JAKMIP1: variants seen among roughly 807,000 people sequenced by gnomAD.
JAKMIP1 encodes the protein janus kinase and microtubule interacting protein 1.
A neutral mutation model predicts 113.0 loss-of-function variants in JAKMIP1; 33 were observed. The observed-to-expected ratio is 0.29, with a 90% CI of 0.22 to 0.39. The LOEUF is 0.39. Ranked by LOEUF, JAKMIP1 falls within the 10% of genes least tolerant of loss-of-function variation. The pLI, the probability that JAKMIP1 is intolerant of heterozygous loss-of-function variation, is 1.00. For synonymous variants in JAKMIP1, 480 were observed against 459.9 expected, an observed-to-expected ratio of 1.04 and a Z score of -0.56; for missense variants, 813 against 1,080.5, an observed-to-expected ratio of 0.75 and a Z score of 3.47.
intron 19 of JAKMIP1, 104 bp from the exon 20 acceptor site, chr4:6,029,885 C>T: frequency 2.5e-6 from 2 of 811,252 alleles, no homozygotes; most frequent in Non-Finnish European, 4.1e-6. Flanking sequence ...TAAAGGATAC[C>T]AACACTGTGG....
intron 1 of JAKMIP1, among the ~76,000 whole-genome samples, chr4:6,133,245 C>T (rs534791075): frequency 2.0e-5 from 3 of 152,174 alleles, no homozygotes; most frequent in South Asian, 2.1e-4. Context: ...GGCAGACCTC[C>T]GCTCCTGCTC....
intron 1 of JAKMIP1, among the ~76,000 whole-genome samples, chr4:6,164,226 T>C (rs1008765581): frequency 3.9e-5 from 6 of 152,198 alleles, no homozygotes; most frequent in Admixed American, 3.3e-4. Context: ...CTAATAGAGC[T>C]GATGACGTGC....
Position 6,154,926 on chromosome 4 carries a change from A to T in JAKMIP1, c.-147-41929T>A, listed in dbSNP as rs188840072. Reference sequence around the variant, plus strand: ...CCTCTCACTCCACAAACCAACACAGAGCACGCAGGGAAAGGTGCGGGGTAG... The same window carrying T: ...CCTCTCACTCCACAAACCAACACAGTGCACGCAGGGAAAGGTGCGGGGTAG... On this transcript the variant is annotated intron_variant, in intron 1 of 20. Transcript: ENST00000409021. This position sits in a 1 kb window ranked among gnomAD's most constrained non-coding sequence, Gnocchi z 4.2. 4.6e-5 allele frequency among the ~76,000 whole-genome samples: 7 copies of T among 151,854 alleles called. No homozygotes were observed. Among genetic ancestry groups the T allele is most frequent in the Non-Finnish European group, 1.0e-4 (7 of 67,934 alleles).
chr4:6,039,814 C>T (rs1426939317), intron 18 of JAKMIP1, among the ~76,000 whole-genome samples: 1 of 152,208 alleles, frequency 6.6e-6, no homozygotes, highest in African/African-American at 2.4e-5. Flanking sequence ...CCCATGCTAC[C>T]TGCTCTCTGT....
chr4:6,172,946 C>A (rs1724914147), intron 1 of JAKMIP1, among the ~76,000 whole-genome samples: 1 of 152,206 alleles, frequency 6.6e-6, no homozygotes, highest in Non-Finnish European at 1.5e-5. Context: ...GATGATTGCA[C>A]TGGGGTGAGG....
chr4:6,030,947 G>A (rs776612028), intron 19 of JAKMIP1, among the ~76,000 whole-genome samples: 4 of 152,260 alleles, frequency 2.6e-5, no homozygotes, highest in Non-Finnish European at 2.9e-5. Context: ...CAGACGGTCC[G>A]GGGCCCCTGC....
Position 6,069,529 on chromosome 4 carries a change from G to T in JAKMIP1, c.1303-4521C>A, listed in dbSNP as rs149904889. Reference sequence around the variant, plus strand: ...TTTGGGAGGCTGAGGCAGAAAGATCGCTTGAGCCCAGGAGTTCAAGATCAA... The same window carrying T: ...TTTGGGAGGCTGAGGCAGAAAGATCTCTTGAGCCCAGGAGTTCAAGATCAA... On this transcript the variant is annotated intron_variant, in intron 8 of 20. Coordinates refer to ENST00000409021, the MANE Select transcript of JAKMIP1 (RefSeq NM_001099433.2). This position sits in a 1 kb window ranked among gnomAD's most constrained non-coding sequence, Gnocchi z 4.5. 2.8e-3 allele frequency among the ~76,000 whole-genome samples: 423 copies of T among 152,178 alleles called. 1 individual carries two copies. The highest frequency in any genetic ancestry group is 4.5e-3 in the Non-Finnish European group (305 of 68,008).
chr4:6,052,650 TA>T (rs762425260), intron 13 of JAKMIP1, among the ~76,000 whole-genome samples: 3,370 of 53,940 alleles, frequency 0.062, 35 homozygotes, highest in South Asian at 0.11. Flanking sequence ...GACTCTGTCC[TA>T]AAAAAAAAAA....
chr4:6,102,885 C>A (rs1340319610), intron 3 of JAKMIP1, among the ~76,000 whole-genome samples: 6 of 151,810 alleles, frequency 4.0e-5, no homozygotes, highest in Admixed American at 3.3e-4. Flanking sequence ...AGGCGCCCAC[C>A]ACTGCACCCC....
At chr4:6,114,501 G>T (rs1158025574) in intron 1 of JAKMIP1, among the ~76,000 whole-genome samples, 1 of 152,206 alleles carries the variant, frequency 6.6e-6, no homozygotes, top group East Asian at 1.9e-4. Flanking sequence ...GCAAGTTGCA[G>T]ATGCTCGGTG....
In JAKMIP1 at chr4:6,180,990, G is replaced by A. The variant is rs11727104; in HGVS notation, c.-148+19263C>T. Among the ~76,000 whole-genome samples, 75,179 of 151,886 alleles carry A rather than the reference G, an allele frequency of 0.49. 19,633 individuals are homozygous for A. The highest frequency in any genetic ancestry group is 0.72 in the East Asian group (3,733 of 5,152). On this transcript the variant is annotated intron_variant, in intron 1 of 20. Transcript: ENST00000409021. This position sits in a 1 kb window ranked among gnomAD's most constrained non-coding sequence, Gnocchi z 4.5. ...CAGAAAAGGCCCCAGCCATCAGGTCGTTTCTGTCTCACCTCTGCTGAAATG... is the reference window on the plus strand; with the variant it reads ...CAGAAAAGGCCCCAGCCATCAGGTCATTTCTGTCTCACCTCTGCTGAAATG...
rs1012731652 is a variant in JAKMIP1 at position 6,050,399 on chromosome 4, A to G, written c.1908+179T>C. On this transcript the variant is annotated intron_variant, in intron 14 of 20. Transcript: ENST00000409021. This position sits in a 1 kb window ranked among gnomAD's most constrained non-coding sequence, Gnocchi z 7.4. ...ACCAAGCCTCTGCTGTTTTAAACAT[A>G]TGGGTCAAAATAGAGTCACATTTGG... is the stretch of plus-strand genomic sequence containing the variant. Among the ~76,000 whole-genome samples the G allele has an allele frequency of 1.3e-5, 2 of 152,230 alleles. No homozygotes were observed. The highest frequency in any genetic ancestry group is 4.8e-5 in the African/African-American group (2 of 41,460).
Position 6,061,830 on chromosome 4 carries a change from G to A in JAKMIP1, c.1560+482C>T, listed in dbSNP as rs1402118244. The stretch of plus-strand genomic sequence containing the variant: ...GCCAGTGGATGGAAGTTTCCAGAAG[G>A]CAGAGCTCAGCCTAGCCTGAGGAAT... On this transcript the variant is annotated intron_variant, in intron 10 of 20. Coordinates refer to ENST00000409021, the MANE Select transcript of JAKMIP1 (RefSeq NM_001099433.2). This position sits in a 1 kb window ranked among gnomAD's most constrained non-coding sequence, Gnocchi z 5.3. 6.6e-6 allele frequency among the ~76,000 whole-genome samples: 1 copy of A among 152,144 alleles called. No homozygotes were observed. Among genetic ancestry groups the A allele is most frequent in the Non-Finnish European group, 1.5e-5 (1 of 68,026 alleles).
intron 1 of JAKMIP1, among the ~76,000 whole-genome samples, chr4:6,177,899 T>A (rs927189336): frequency 6.6e-6 from 1 of 152,182 alleles, no homozygotes; most frequent in Admixed American, 6.5e-5. Context: ...CCAGCCAAGA[T>A]GCCTCAACTC....
chr4:6,184,112 G>A lies in JAKMIP1; in HGVS notation c.-148+16141C>T, dbSNP rs182663703. ...GAATAAACCATCACTTCTCTGTTTT[G>A]TATATTGGAGCAGGGTGGTTTAGCT... On this transcript the variant is annotated intron_variant, in intron 1 of 20. Coordinates refer to ENST00000409021, the MANE Select transcript of JAKMIP1 (RefSeq NM_001099433.2). This position sits in a 1 kb window ranked among gnomAD's most constrained non-coding sequence, Gnocchi z 4.5. 6.6e-6 allele frequency among the ~76,000 whole-genome samples: 1 copy of A among 152,276 alleles called. No individual in the cohort carries two copies. Among genetic ancestry groups the A allele is most frequent in the East Asian group, 1.9e-4 (1 of 5,186 alleles).
chr4:6,107,558 A>G (rs1050532582), intron 2 of JAKMIP1, among the ~76,000 whole-genome samples: 1 of 152,158 alleles, frequency 6.6e-6, no homozygotes, highest in African/African-American at 2.4e-5. Flanking sequence ...AATCAGTCGA[A>G]GGCTTTAAGA....
chr4:6,104,591 G>A (rs1713593636), intron 3 of JAKMIP1, among the ~76,000 whole-genome samples: 1 of 152,174 alleles, frequency 6.6e-6, no homozygotes, highest in African/African-American at 2.4e-5. Flanking sequence ...AAATATCACT[G>A]TTACTCTTTG....
rs1721350538 is a variant in JAKMIP1, at chr4:6,086,644, A to G, written c.625-1015T>C. On this transcript the variant is annotated intron_variant, in intron 3 of 20. Transcript: ENST00000409021. This position sits in a 1 kb window ranked among gnomAD's most constrained non-coding sequence, Gnocchi z 4.1. Reference sequence around the variant, plus strand: ...CACTCTGGCTTTTTCTGGATGCTCCAGTGAAGGCACTGTCCTGGTTGAATA... The same window carrying G: ...CACTCTGGCTTTTTCTGGATGCTCCGGTGAAGGCACTGTCCTGGTTGAATA... Among the ~76,000 whole-genome samples, 2 of 152,254 alleles carry G rather than the reference A, an allele frequency of 1.3e-5. No homozygotes were observed. Among genetic ancestry groups the G allele is most frequent in the South Asian group, 4.2e-4 (2 of 4,816 alleles).
rs928153291 is a variant in JAKMIP1, at chr4:6,187,374, A to G, written c.-148+12879T>C. ...ATCCTTTCACTTTCAATCTATTTGTATCCTTGAATCTAAAGTGTGTCTCCT... is the reference window on the plus strand; with the variant it reads ...ATCCTTTCACTTTCAATCTATTTGTGTCCTTGAATCTAAAGTGTGTCTCCT... On this transcript the variant is annotated intron_variant, in intron 1 of 20. Transcript: ENST00000409021. This position sits in a 1 kb window ranked among gnomAD's most constrained non-coding sequence, Gnocchi z 4.2. Among the ~76,000 whole-genome samples, 5 of 152,162 alleles carry G rather than the reference A, an allele frequency of 3.3e-5. No individual in the cohort carries two copies. Among genetic ancestry groups the G allele is most frequent in the African/African-American group, 1.2e-4 (5 of 41,428 alleles).
Sources: gnomAD v4.1 joint callset for allele counts (sites outside exome capture counted in the v4.1 genomes callset) on GRCh38, gnomAD v4.1.1 for gene constraint, Gnocchi (gnomAD v3.1) non-coding constraint, MANE v1.5 for transcripts, NCBI Gene and HGNC (gene_info 2026-07-23, HGNC 2026-07-21) for gene names.